Variants in AK1 observed in about 807,000 individuals in gnomAD.
The protein encoded by AK1 is adenylate kinase isoenzyme 1.
In AK1, 13 loss-of-function variants were observed where a neutral mutation model predicts 23.9. The ratio of observed to expected loss-of-function variants is 0.54; its 90% confidence interval spans 0.35 to 0.86. The LOEUF (loss-of-function observed/expected upper bound fraction) is 0.86, where lower values mean the gene tolerates loss of function less well. Among genes scored for constraint, AK1 ranks in the 40% least tolerant of loss-of-function variants. AK1 has a pLI of 0.01. For synonymous variants in AK1, 97 were observed against 102.8 expected, an observed-to-expected ratio of 0.94 and a Z score of 0.34; for missense variants, 214 against 255.1, an observed-to-expected ratio of 0.84 and a Z score of 1.10.
At position 127,868,424 on chromosome 9, in the gene AK1, C is replaced by T. The variant is rs772874780; in HGVS notation, c.413G>A (p.Arg138His). ...GATGGTCTCCTCATTGTCGTCCACA[C>T]GCCCGCTGGTCTCTCCACGTTTCAA... Reference protein sequence around the residue: ...RLLKRGETSGRVDDNEETIKK... With the variant: ...RLLKRGETSGHVDDNEETIKK... Residue 138 changes from arginine (R) to histidine (H), a missense_variant, in exon 6 of 7, where the codon CGT becomes CAT. By Grantham distance (29) the Arg-to-His change is conservative (BLOSUM62 0). Coordinates refer to ENST00000644144, the MANE Select transcript of AK1 (RefSeq NM_000476.3). This position sits in a 1 kb window ranked among gnomAD's most constrained non-coding sequence, Gnocchi z 4.1. 10 of 1,611,874 alleles carry T rather than the reference C, an allele frequency of 6.2e-6. No homozygotes were observed. The highest frequency in any genetic ancestry group is 8.5e-6 in the Non-Finnish European group (10 of 1,179,206).
Position 127,872,194 on chromosome 9 carries a change from G to A in AK1, c.208-255C>T, listed in dbSNP as rs931346858. Among the ~76,000 whole-genome samples the A allele has an allele frequency of 1.4e-4, 21 of 152,320 alleles. No individual in the cohort carries two copies. The South Asian group carries it at 1.4e-3, about 11-fold the overall frequency. ...GCCAGGTGCTGTCCTGGGTCCCGAGGACACGGCCATGGACCAATTAGGCCT... is the reference window on the plus strand; with the variant it reads ...GCCAGGTGCTGTCCTGGGTCCCGAGAACACGGCCATGGACCAATTAGGCCT... On this transcript the variant is annotated intron_variant, in intron 4 of 6. Transcript: ENST00000644144.
chr9:127,873,545 A>C, intron 2 of AK1: 1 of 1,438,752 alleles, frequency 7.0e-7, no homozygotes, highest in Non-Finnish European at 9.1e-7. Context: ...GGGGCTTAGC[A>C]ACCACAACAT....
Position 127,871,683 on chromosome 9 carries a change from T to C in AK1, c.324+140A>G. 1 of 759,716 alleles carries C rather than the reference T, an allele frequency of 1.3e-6. No homozygotes were observed. Among genetic ancestry groups the C allele is most frequent in the Non-Finnish European group, 2.3e-6 (1 of 426,320 alleles). The allele number at this position is 759,716 out of a possible 1,614,324, so 47.1% of individuals were successfully genotyped here. A position where few individuals can be genotyped will look rare whatever the true frequency, so the allele number is the denominator to read the frequency against. On this transcript the variant is annotated intron_variant, in intron 5 of 6. Transcript: ENST00000644144. The surrounding 1 kb of genome is among the most constrained non-coding windows in gnomAD (Gnocchi z 4.4). ...ACACTTCCAGAAAGTCTTCCTGGTT[T>C]TCCTCCTCACCCACACTCCATGAAT...
chr9:127,867,181 T>G lies in AK1; in HGVS notation c.*827A>C, dbSNP rs1008564300. On this transcript the variant is annotated 3_prime_UTR_variant, in exon 7 of 7. Coordinates refer to ENST00000644144, the MANE Select transcript of AK1 (RefSeq NM_000476.3). ...ACATGCCACCATGCCCGGCTAATTT[T>G]TGTATTTTTAGTAAATAAGGGGTTT... is the stretch of plus-strand genomic sequence containing the variant. The G allele has an allele frequency of 2.0e-5, 3 of 152,230 alleles. No individual in the cohort carries two copies. The highest frequency in any genetic ancestry group is 7.2e-5 in the African/African-American group (3 of 41,520). The allele number at this position is 152,230 out of a possible 1,614,324, so 9.4% of individuals were successfully genotyped here. A position where few individuals can be genotyped will look rare whatever the true frequency, so the allele number is the denominator to read the frequency against.
chr9:127,878,233 G>T (rs1055111350), upstream of AK1, among the ~76,000 whole-genome samples: 1 of 152,158 alleles, frequency 6.6e-6, no homozygotes, highest in Admixed American at 6.5e-5. Flanking sequence ...ACTGGAACCC[G>T]CCAGGACCCC....
Position 127,868,410 on chromosome 9 carries a change from C to T in AK1, c.427G>A (p.Glu143Lys). The T allele has an allele frequency of 1.2e-6, 2 of 1,612,644 alleles. No homozygotes were observed. The highest frequency in any genetic ancestry group is 1.1e-5 in the South Asian group (1 of 90,616). ...TCCAGCCGCTTTTTGATGGTCTCCT[C>T]ATTGTCGTCCACACGCCCGCTGGTC... ...GETSGRVDDN[E>K]ETIKKRLETY... Residue 143 changes from glutamate to lysine, a missense_variant, in exon 6 of 7, where the codon GAG (glutamate) becomes AAG (lysine). Glu to Lys is a moderately conservative substitution (Grantham distance 56, BLOSUM62 1). Coordinates refer to ENST00000644144, the MANE Select transcript of AK1 (RefSeq NM_000476.3). This position sits in a 1 kb window ranked among gnomAD's most constrained non-coding sequence, Gnocchi z 4.1.
At position 127,868,257 on chromosome 9, in the gene AK1, G is replaced by A; in HGVS notation, c.516+64C>T. On this transcript the variant is annotated intron_variant, in intron 6 of 6. Transcript: ENST00000644144. This position sits in a 1 kb window ranked among gnomAD's most constrained non-coding sequence, Gnocchi z 4.1. ...GGGCTGGCCTGAGGCCACACAGTGA[G>A]CTGAGGCGGAGCCACATAGGAACCC... 6.6e-7 allele frequency: 1 copy of A among 1,512,916 alleles called. No individual in the cohort carries two copies. The highest frequency in any genetic ancestry group is 1.2e-5 in the South Asian group (1 of 83,730). The allele number at this position is 1,512,916 out of a possible 1,614,324, so 93.7% of individuals were successfully genotyped here. A position where few individuals can be genotyped will look rare whatever the true frequency, so the allele number is the denominator to read the frequency against.
intron 5 of AK1, among the ~76,000 whole-genome samples, chr9:127,870,824 ATGGGAATGGGG>A (rs879644975): frequency 0.28 from 39,771 of 144,102 alleles, 5,493 homozygotes; most frequent in South Asian, 0.32. Context: ...GGAATGGGGC[ATGGGAATGGGG>A]CATGGGGATG....
At chr9:127,873,689 C>A (rs181378875) in intron 2 of AK1, 673 of 1,356,692 alleles carry the variant, frequency 5.0e-4, no homozygotes, top group Admixed American at 1.6e-3. Flanking sequence ...AAGGCCACAG[C>A]CCCACTGGGC....
rs1210908615 is a variant in AK1 at position 127,871,353 on chromosome 9, C to T, written c.324+470G>A. Among the ~76,000 whole-genome samples the T allele has an allele frequency of 1.3e-5, 2 of 151,524 alleles. 1 individual carries two copies. Among genetic ancestry groups the T allele is most frequent in the African/African-American group, 4.9e-5 (2 of 40,802 alleles). ...GGCTGGAACCTCCCTTGTTGTCCTG[C>T]CCACATATTCTGTTCTCCCCACACT... On this transcript the variant is annotated intron_variant, in intron 5 of 6. Transcript: ENST00000644144. This position sits in a 1 kb window ranked among gnomAD's most constrained non-coding sequence, Gnocchi z 4.4.
chr9:127,874,381 T>C (rs1829489743), intron 2 of AK1: 2 of 985,216 alleles, frequency 2.0e-6, no homozygotes, highest in South Asian at 9.4e-5. Context: ...GGGTGTGCGC[T>C]GGGGCCCTCA....
At chr9:127,870,823 CATGGGAATGGG>C (rs780669836) in intron 5 of AK1, among the ~76,000 whole-genome samples, 457 of 142,614 alleles carry the variant, frequency 3.2e-3, no homozygotes, top group African/African-American at 0.01. Context: ...GGGAATGGGG[CATGGGAATGGG>C]GCATGGGGAT....
At chr9:127,874,457 C>A in intron 2 of AK1, 154 bp downstream of exon 2, 1 of 985,338 alleles carries the variant, frequency 1.0e-6, no homozygotes, top group Non-Finnish European at 1.2e-6. Flanking sequence ...CGTGAGAGGC[C>A]AGAGGAGGAT....
chr9:127,878,389 T>A (rs1465853731), upstream of AK1: 1 of 152,268 alleles, frequency 6.6e-6, no homozygotes, highest in East Asian at 1.9e-4. Context: ...GCACTCACTG[T>A]GCTAAGCAGC....
At position 127,871,894 on chromosome 9, in the gene AK1, T is replaced by C. The variant is rs745471497; in HGVS notation, c.253A>G (p.Asn85Asp). 6 of 1,614,114 alleles carry C rather than the reference T, an allele frequency of 3.7e-6. No homozygotes were observed. The South Asian group carries it at 6.6e-5, about 18-fold the overall frequency. ...TCAATCAGGAAGCCTTTGGAAGTAT[T>C]GACTTTGGCCACCATGGCATCCCGG... ...MLRDAMVAKV[N>D]TSKGFLIDGY... The change falls in exon 5 of 7, where the codon AAT becomes GAT. Residue 85 changes from asparagine to aspartate, a missense_variant. By Grantham distance (23) the Asn-to-Asp change is conservative. Coordinates refer to ENST00000644144, the MANE Select transcript of AK1 (RefSeq NM_000476.3). This position sits in a 1 kb window ranked among gnomAD's most constrained non-coding sequence, Gnocchi z 4.4.
Position 127,871,617 on chromosome 9 carries a change from A to G in AK1, c.324+206T>C, listed in dbSNP as rs1829411213. Among the ~76,000 whole-genome samples the G allele has an allele frequency of 6.6e-6, 1 of 151,386 alleles. No individual in the cohort carries two copies. The highest frequency in any genetic ancestry group is 2.1e-4 in the South Asian group (1 of 4,810). On this transcript the variant is annotated intron_variant, in intron 5 of 6. Transcript: ENST00000644144. This position sits in a 1 kb window ranked among gnomAD's most constrained non-coding sequence, Gnocchi z 4.4. The stretch of plus-strand genomic sequence containing the variant: ...CTGGAATCTGAGCCCAGGTTTGGCA[A>G]CTGCCCCTCCTGGCGCTTCCCCTTC...
Position 127,867,868 on chromosome 9 carries a change from T to G in AK1, c.*140A>C. ...CTTAGAAATTCCTTTAGTGCTCAGC[T>G]GTCCATGAAAACAGGATAAGCGGCT... On this transcript the variant is annotated 3_prime_UTR_variant, in exon 7 of 7. Transcript: ENST00000644144. 1.3e-6 allele frequency: 1 copy of G among 787,676 alleles called. No individual in the cohort carries two copies. The highest frequency in any genetic ancestry group is 2.2e-6 in the Non-Finnish European group (1 of 455,356). The allele number at this position is 787,676 out of a possible 1,614,324, so 48.8% of individuals were successfully genotyped here.
rs1417120508 is a variant in AK1, at chr9:127,877,367, C to T, written c.-33+256G>A. 4.6e-5 allele frequency among the ~76,000 whole-genome samples: 7 copies of T among 152,248 alleles called. No homozygotes were observed. The East Asian group carries it at 1.3e-3, about 29-fold the overall frequency. On this transcript the variant is annotated intron_variant, in intron 1 of 6. Coordinates refer to ENST00000644144, the MANE Select transcript of AK1 (RefSeq NM_000476.3). This position sits in a 1 kb window ranked among gnomAD's most constrained non-coding sequence, Gnocchi z 5.2. ...AGCCAGAACAAAGGGGTGACTATCT[C>T]GGAGGCTGGAAGGGGCTGCAACACA...
chr9:127,870,805 C>CGGGGCATGGGAATGGGGCATGGGGAT (rs1564472106), intron 5 of AK1, among the ~76,000 whole-genome samples: 22 of 133,106 alleles, frequency 1.7e-4, no homozygotes, highest in African/African-American at 5.8e-4. Context: ...CCTACGGAGA[C>CGGGGCATGGGAATGGGGCATGGGGAT]GGGGCATGGG....
Sources: gnomAD v4.1 joint callset for allele counts (sites outside exome capture counted in the v4.1 genomes callset) on GRCh38, gnomAD v4.1.1 for gene constraint, Gnocchi (gnomAD v3.1) non-coding constraint, MANE v1.5 for transcripts, NCBI Gene and HGNC (gene_info 2026-07-23, HGNC 2026-07-21) for gene names.